The following TRHDE variants were observed in gnomAD, a reference collection of about 807,000 sequenced individuals.
TRHDE encodes thyrotropin releasing hormone degrading enzyme.
A neutral mutation model predicts 125.7 loss-of-function variants in TRHDE; 72 were observed. The ratio of observed to expected loss-of-function variants is 0.57; its 90% CI spans 0.47 to 0.70. The LOEUF (loss-of-function observed/expected upper bound fraction) is 0.70. TRHDE is among the 30% of genes least tolerant of loss of function. TRHDE has a pLI of 0.00. For missense variants in TRHDE, 1,110 were observed against 1,327.1 expected (o/e 0.84, Z 2.54); for synonymous variants, 509 against 509.1 (o/e 1.00, Z 0.00).
chr12:72,651,765 GA>G (rs1874515410), intron 15 of TRHDE, among the ~76,000 whole-genome samples: 1 of 151,796 alleles, frequency 6.6e-6, no homozygotes, highest in African/African-American at 2.4e-5. Context: ...ATAAACATAG[GA>G]AAAAATAACT....
chr12:72,367,614 C>T (rs1871392579), intron 2 of TRHDE, among the ~76,000 whole-genome samples: 1 of 152,100 alleles, frequency 6.6e-6, no homozygotes, highest in Non-Finnish European at 1.5e-5. Context: ...TTTACAACAT[C>T]CTTTCCTCTT....
At chr12:72,436,719 C>G (rs1019169202) in intron 3 of TRHDE, among the ~76,000 whole-genome samples, 1 of 151,656 alleles carries the variant, frequency 6.6e-6, no homozygotes, top group Non-Finnish European at 1.5e-5. Flanking sequence ...ACTGAAGAAC[C>G]GAGAGTAATT....
intron 2 of TRHDE, among the ~76,000 whole-genome samples, chr12:72,130,923 G>A (rs1463208161): frequency 1.3e-5 from 2 of 152,040 alleles, no homozygotes; most frequent in Non-Finnish European, 2.9e-5. Flanking sequence ...ATTGTAAACT[G>A]GAGACACCAT....
At chr12:72,476,595 A>C (rs1876904928) in intron 5 of TRHDE, among the ~76,000 whole-genome samples, 1 of 152,242 alleles carries the variant, frequency 6.6e-6, no homozygotes, top group Admixed American at 6.5e-5. Flanking sequence ...TAGAAAAACC[A>C]GAAGTCAGGC....
chr12:72,143,382 G>A (rs773471485), intron 2 of TRHDE, among the ~76,000 whole-genome samples: 2 of 152,124 alleles, frequency 1.3e-5, no homozygotes, highest in South Asian at 2.1e-4. Context: ...AGAGGAGTAG[G>A]AGGAAGGAGG....
At chr12:72,662,999 A>G (rs1874974502) in intron 18 of TRHDE, 53 bp from the exon 19 acceptor site, 4 of 1,547,594 alleles carry the variant, frequency 2.6e-6, no homozygotes, top group Non-Finnish European at 3.5e-6. Flanking sequence ...TTTGTTGGAC[A>G]TGAGTTCTTT....
chr12:72,485,569 G>T (rs1171789940), intron 5 of TRHDE, among the ~76,000 whole-genome samples: 1 of 152,094 alleles, frequency 6.6e-6, no homozygotes, highest in South Asian at 2.1e-4. Flanking sequence ...TGCCACACCA[G>T]AGCAGTTGAC....
chr12:72,354,767 G>C (rs991663893), intron 2 of TRHDE, among the ~76,000 whole-genome samples: 5 of 149,744 alleles, frequency 3.3e-5, no homozygotes, highest in African/African-American at 1.2e-4. Context: ...GCATATACAT[G>C]GTTATCTCTG....
intron 3 of TRHDE, among the ~76,000 whole-genome samples, chr12:72,410,975 G>A (rs1386589067): frequency 2.0e-5 from 3 of 151,920 alleles, no homozygotes; most frequent in East Asian, 1.9e-4. Context: ...GGTGGATCAC[G>A]AGGTCAGGAG....
intron 15 of TRHDE, among the ~76,000 whole-genome samples, chr12:72,628,816 T>C (rs1413917248): frequency 1.3e-5 from 2 of 151,892 alleles, no homozygotes; most frequent in South Asian, 2.1e-4. Flanking sequence ...TCTTCATATA[T>C]TACAATTAAC....
chr12:72,632,534 C>G (rs367801488), intron 15 of TRHDE, among the ~76,000 whole-genome samples: 63 of 152,026 alleles, frequency 4.1e-4, no homozygotes, highest in African/African-American at 1.5e-3. Flanking sequence ...ATGTTATGCT[C>G]TTAGAGCTAT....
rs73344407 is a variant in TRHDE, at chr12:72,417,187, A to G, written c.1315+39066A>G. ...AGATTGTTTGCTGTTAGCATATAGAAATTCTATTGCTTTTCATATGTTGAT... is the reference window on the plus strand; with the variant it reads ...AGATTGTTTGCTGTTAGCATATAGAGATTCTATTGCTTTTCATATGTTGAT... On this transcript the variant is annotated intron_variant, in intron 3 of 18. Coordinates refer to ENST00000261180, the MANE Select transcript of TRHDE (RefSeq NM_013381.3). Among the ~76,000 whole-genome samples the G allele has an allele frequency of 4.1e-3, 628 of 152,170 alleles. 6 individuals are homozygous for G. Among genetic ancestry groups the G allele is most frequent in the African/African-American group, 0.015 (607 of 41,560 alleles).
At chr12:72,467,217 A>G (rs1162189316) in intron 3 of TRHDE, among the ~76,000 whole-genome samples, 3 of 151,826 alleles carry the variant, frequency 2.0e-5, no homozygotes, top group Non-Finnish European at 2.9e-5. Flanking sequence ...ATATCTCCTA[A>G]TGCTATCCCT....
At chr12:72,539,557 G>T (rs1328694183) in intron 6 of TRHDE, among the ~76,000 whole-genome samples, 1 of 151,846 alleles carries the variant, frequency 6.6e-6, no homozygotes, top group East Asian at 1.9e-4. Context: ...CAAGTCATGA[G>T]GACACAGTTT....
intron 2 of TRHDE, among the ~76,000 whole-genome samples, chr12:72,114,322 AC>A (rs2139297173): frequency 6.6e-6 from 1 of 152,268 alleles, no homozygotes; most frequent in Non-Finnish European, 1.5e-5. Context: ...TCCATGTATA[AC>A]TTTTGACTCT....
At chr12:72,280,476 G>GT (rs1879657695) in intron 1 of TRHDE, among the ~76,000 whole-genome samples, 1 of 152,068 alleles carries the variant, frequency 6.6e-6, no homozygotes, top group Non-Finnish European at 1.5e-5. Flanking sequence ...GCTGCTGTTT[G>GT]TTTTTACCAC....
chr12:72,627,602 C>T (rs1215233549), intron 15 of TRHDE, among the ~76,000 whole-genome samples: 1 of 151,804 alleles, frequency 6.6e-6, no homozygotes, highest in African/African-American at 2.4e-5. Flanking sequence ...ATGCTCCATC[C>T]CTCATTGTGG....
chr12:72,326,582 T>C (rs1869351313), intron 2 of TRHDE, among the ~76,000 whole-genome samples: 2 of 152,068 alleles, frequency 1.3e-5, no homozygotes, highest in African/African-American at 4.8e-5. Context: ...AAAATAGTGT[T>C]TGGATTAAAT....
At chr12:72,390,159 T>C (rs1042971652) in intron 3 of TRHDE, among the ~76,000 whole-genome samples, 3 of 152,236 alleles carry the variant, frequency 2.0e-5, no homozygotes, top group African/African-American at 7.2e-5. Flanking sequence ...AATCTTTTTA[T>C]ACTTCCTTTT....
Sources: gnomAD v4.1 joint callset for allele counts (sites outside exome capture counted in the v4.1 genomes callset) on GRCh38, gnomAD v4.1.1 for gene constraint, MANE v1.5 for transcripts, NCBI Gene and HGNC (gene_info 2026-07-23, HGNC 2026-07-21) for gene names.